NTN4: variants seen among roughly 807,000 people sequenced by gnomAD.
The protein encoded by NTN4 is netrin 4, also known as netrin-4.
A neutral mutation model predicts 73.6 loss-of-function variants in NTN4; 32 were observed. That is an observed-to-expected ratio of 0.44 (90% CI 0.33 to 0.58). The LOEUF is 0.58. Ranked by LOEUF, NTN4 falls within the 20% of genes least tolerant of loss-of-function variation. The probability of loss-of-function intolerance (pLI) is 0.04; values close to 1 mark genes in which losing one functional copy is unlikely to be tolerated. For missense variants in NTN4, 654 were observed against 798.3 expected (o/e 0.82, Z 2.18); for synonymous variants, 258 against 287.5 (o/e 0.90, Z 1.04).
chr12:95,752,235 T>G (rs982150098), intron 2 of NTN4, among the ~76,000 whole-genome samples: 1 of 151,112 alleles, frequency 6.6e-6, no homozygotes, highest in African/African-American at 2.4e-5. Context: ...GCCTATAAAC[T>G]CTCGTTACAA....
At chr12:95,698,225 T>C (rs573322366) in intron 5 of NTN4, among the ~76,000 whole-genome samples, 2 of 152,292 alleles carry the variant, frequency 1.3e-5, no homozygotes, top group East Asian at 3.9e-4. Flanking sequence ...TCTTCATTTG[T>C]AAAATAGAAA....
At chr12:95,731,485 G>C (rs1042311209) in intron 3 of NTN4, among the ~76,000 whole-genome samples, 2 of 152,154 alleles carry the variant, frequency 1.3e-5, no homozygotes, top group African/African-American at 4.8e-5. Flanking sequence ...AAAATCGCTT[G>C]AATCTGGGAG....
chr12:95,674,846 C>G (rs2078260784), intron 7 of NTN4, among the ~76,000 whole-genome samples: 1 of 152,320 alleles, frequency 6.6e-6, no homozygotes, highest in South Asian at 2.1e-4. Context: ...CATCACAGAC[C>G]TAACAGCTGC....
rs542218032 is a variant in NTN4 at position 95,672,526 on chromosome 12, G to T, written c.1511-2380C>A. On this transcript the variant is annotated intron_variant, in intron 7 of 9. Transcript: ENST00000343702. ...CCTCTGGACAGTGCTAGATGCCATT[G>T]ATCAGATGTGGCCCACCTGTAATGA... 7.9e-5 allele frequency: 121 copies of T among 1,528,618 alleles called. 2 individuals carry two copies. The South Asian group carries it at 1.3e-3, about 17-fold the overall frequency. 94.7% of individuals were successfully genotyped at this position (1,528,618 alleles called of 1,614,324 possible). A position where few individuals can be genotyped will look rare whatever the true frequency, so the allele number is the denominator to read the frequency against.
chr12:95,754,883 G>A (rs528730478), intron 2 of NTN4, among the ~76,000 whole-genome samples: 56 of 152,208 alleles, frequency 3.7e-4, no homozygotes, highest in African/African-American at 1.3e-3. Flanking sequence ...ACATGGACGC[G>A]CATGAAAGTA....
chr12:95,665,233 T>C (rs1447340754), intron 9 of NTN4, among the ~76,000 whole-genome samples: 4 of 152,186 alleles, frequency 2.6e-5, no homozygotes, highest in African/African-American at 9.6e-5. Context: ...GCAAATCAAA[T>C]TTCTCTCCAT....
chr12:95,672,989 G>A, intron 7 of NTN4: 1 of 1,189,996 alleles, frequency 8.4e-7, no homozygotes, highest in South Asian at 1.2e-5. Context: ...CCCATCAGGT[G>A]CATGGAGTTC....
chr12:95,738,301 C>T (rs11108226), intron 2 of NTN4, among the ~76,000 whole-genome samples, 157 bp from the exon 3 acceptor site: 47,281 of 152,062 alleles, frequency 0.31, 7,499 homozygotes, highest in African/African-American at 0.36. Context: ...GGGACAGAGC[C>T]GCCCTGTTAT....
At chr12:95,730,929 T>A (rs1017490589) in intron 3 of NTN4, among the ~76,000 whole-genome samples, 4 of 152,182 alleles carry the variant, frequency 2.6e-5, no homozygotes, top group Non-Finnish European at 4.4e-5. Context: ...GTGCTTTTCA[T>A]CAGCAGCAAA....
At chr12:95,726,436 G>T (rs547858519) in intron 3 of NTN4, among the ~76,000 whole-genome samples, 2 of 152,092 alleles carry the variant, frequency 1.3e-5, no homozygotes, top group African/African-American at 4.8e-5. Flanking sequence ...AAATTATAAC[G>T]TGTATCAGTA....
At chr12:95,682,224 CT>C (rs1337919451) in intron 7 of NTN4, among the ~76,000 whole-genome samples, 1 of 151,608 alleles carries the variant, frequency 6.6e-6, no homozygotes, top group African/African-American at 2.4e-5. Context: ...ACTGGGCTAA[CT>C]TTTTATTTTT....
At chr12:95,719,842 T>C (rs921128111) in intron 3 of NTN4, among the ~76,000 whole-genome samples, 1 of 152,120 alleles carries the variant, frequency 6.6e-6, no homozygotes, top group Non-Finnish European at 1.5e-5. Flanking sequence ...TGGGGCAAAA[T>C]AGGTTGAAGG....
At chr12:95,778,388 A>C (rs192146224) in intron 2 of NTN4, among the ~76,000 whole-genome samples, 2 of 152,180 alleles carry the variant, frequency 1.3e-5, no homozygotes, top group African/African-American at 4.8e-5. Flanking sequence ...TTTTTTGAAA[A>C]GATCAACAAA....
chr12:95,757,957 T>C (rs976728722), intron 2 of NTN4, among the ~76,000 whole-genome samples: 3 of 152,168 alleles, frequency 2.0e-5, no homozygotes, highest in East Asian at 3.8e-4. Context: ...AAAGAACTGA[T>C]TGAAGAATTT....
chr12:95,695,907 C>T (rs1440668338), intron 5 of NTN4, among the ~76,000 whole-genome samples: 1 of 143,132 alleles, frequency 7.0e-6, no homozygotes, highest in Non-Finnish European at 1.5e-5. Context: ...CCATTCTCTC[C>T]CTTCCTCCCT....
intron 2 of NTN4, among the ~76,000 whole-genome samples, chr12:95,742,546 A>G (rs1260103684): frequency 1.3e-5 from 2 of 152,230 alleles, no homozygotes; most frequent in Non-Finnish European, 2.9e-5. Flanking sequence ...TGTATTGCCT[A>G]TGTTGAATTA....
rs371288829 is a variant in NTN4 at position 95,713,272 on chromosome 12, A to G, written c.931T>C (p.Tyr311His). ...GSHCQHCAPL[Y>H]NDRPWEAADG... ...GCTGCCTCCCATGGCCGGTCATTGT[A>G]TAACGGGGCACAGTGCTGGCAGTGG... Residue 311 changes from tyrosine (Y) to histidine (H), a missense_variant, in exon 4 of 10, where the codon TAC becomes CAC. Physicochemically the swap from Tyr to His is moderately conservative, Grantham distance 83. Coordinates refer to ENST00000343702, the MANE Select transcript of NTN4 (RefSeq NM_021229.4). 1.2e-6 allele frequency: 2 copies of G among 1,613,520 alleles called. No individual in the cohort carries two copies. The highest frequency in any genetic ancestry group is 2.2e-5 in the East Asian group (1 of 44,874).
intron 3 of NTN4, among the ~76,000 whole-genome samples, chr12:95,731,185 G>A (rs1030068127): frequency 1.3e-5 from 2 of 152,194 alleles, no homozygotes; most frequent in African/African-American, 4.8e-5. Flanking sequence ...GACTTGGATA[G>A]TTTACCTATC....
intron 5 of NTN4, among the ~76,000 whole-genome samples, chr12:95,702,308 G>GAAAAAAAAAAAAAAAAAAAAAGA (rs558357623): frequency 8.4e-6 from 1 of 118,492 alleles, no homozygotes; most frequent in Non-Finnish European, 1.8e-5. Context: ...CAAAAAAAAA[G>GAAAAAAAAAAAAAAAAAAAAAGA]AAAAAAAAAA....
Sources: gnomAD v4.1 joint callset for allele counts (sites outside exome capture counted in the v4.1 genomes callset) on GRCh38, gnomAD v4.1.1 for gene constraint, MANE v1.5 for transcripts, NCBI Gene and HGNC (gene_info 2026-07-23, HGNC 2026-07-21) for gene names.